The following GUCY1A2 variants were observed in gnomAD, a reference collection of about 807,000 sequenced individuals.
The protein encoded by GUCY1A2 is guanylate cyclase 1 soluble subunit alpha 2, also known as guanylate cyclase soluble subunit alpha-2.
Under a neutral mutation model 63.5 loss-of-function variants are expected in GUCY1A2, and 27 were observed. The ratio of observed to expected loss-of-function variants is 0.43; its 90% CI spans 0.31 to 0.59. The LOEUF (loss-of-function observed/expected upper bound fraction) is 0.59, where lower values mean the gene tolerates loss of function less well. Among genes scored for constraint, GUCY1A2 ranks in the 20% least tolerant of loss-of-function variants. The pLI, the probability that GUCY1A2 is intolerant of heterozygous loss-of-function variation, is 0.11. For missense variants in GUCY1A2, 768 were observed against 913.3 expected (o/e 0.84, Z 2.05); for synonymous variants, 364 against 343.5 (o/e 1.06, Z -0.66).
At chr11:106,938,723 T>C (rs1424627909) in intron 4 of GUCY1A2, among the ~76,000 whole-genome samples, 1 of 152,204 alleles carries the variant, frequency 6.6e-6, no homozygotes, top group Non-Finnish European at 1.5e-5. Context: ...TTTTAAAATA[T>C]TTTACCTGAG....
rs545229388 is a variant in GUCY1A2, at chr11:106,752,566, GTGTTCTCAT to G, written c.1836+23864_1836+23872del. Reference sequence around the variant, plus strand: ...GTGATGTTCCCCTCCCTGTGCCCATGTGTTCTCATTGTTCAACTCCCACTTATGAGTGAG... The same window carrying G: ...GTGATGTTCCCCTCCCTGTGCCCATGTGTTCAACTCCCACTTATGAGTGAG... On this transcript the variant is annotated intron_variant, in intron 6 of 7. Coordinates refer to ENST00000526355, the MANE Select transcript of GUCY1A2 (RefSeq NM_000855.3). Among the ~76,000 whole-genome samples the G allele has an allele frequency of 7.6e-3, 1,159 of 151,980 alleles. 7 individuals carry two copies. The highest frequency in any genetic ancestry group is 0.034 in the Middle Eastern group (10 of 294).
At chr11:106,703,142 C>A (rs764200200) in intron 7 of GUCY1A2, among the ~76,000 whole-genome samples, 1 of 152,154 alleles carries the variant, frequency 6.6e-6, no homozygotes, top group African/African-American at 2.4e-5. Context: ...TGCCCTTGAA[C>A]ATTGGACTCC....
intron 4 of GUCY1A2, among the ~76,000 whole-genome samples, chr11:106,867,850 T>C (rs1859617133): frequency 6.6e-6 from 1 of 152,054 alleles, no homozygotes; most frequent in Non-Finnish European, 1.5e-5. Flanking sequence ...TTAGTGGCCA[T>C]GGCATGGTAG....
chr11:106,987,784 C>T (rs977201367), intron 1 of GUCY1A2, among the ~76,000 whole-genome samples: 5 of 152,054 alleles, frequency 3.3e-5, no homozygotes, highest in African/African-American at 9.7e-5. Flanking sequence ...GAATCTTTAA[C>T]ATCCTCCTTG....
chr11:106,953,250 CA>C (rs1565342104), intron 3 of GUCY1A2, among the ~76,000 whole-genome samples: 1 of 152,164 alleles, frequency 6.6e-6, no homozygotes, highest in East Asian at 1.9e-4. Context: ...TCAATTTTAT[CA>C]AAGGCCTTTT....
At chr11:106,969,539 A>C (rs1861168033) in intron 3 of GUCY1A2, among the ~76,000 whole-genome samples, 1 of 151,976 alleles carries the variant, frequency 6.6e-6, no homozygotes, top group Admixed American at 6.6e-5. Context: ...TGGTATGCTC[A>C]CTTGAGCTAA....
At chr11:107,014,673 G>C (rs1359949233) in intron 1 of GUCY1A2, among the ~76,000 whole-genome samples, 1 of 152,010 alleles carries the variant, frequency 6.6e-6, no homozygotes, top group Non-Finnish European at 1.5e-5. Flanking sequence ...CAAATAACTA[G>C]TTTAATAAAT....
chr11:106,935,357 G>A (rs1860661617), intron 4 of GUCY1A2, among the ~76,000 whole-genome samples: 1 of 152,188 alleles, frequency 6.6e-6, no homozygotes, highest in Non-Finnish European at 1.5e-5. Flanking sequence ...GGTCAAAGAT[G>A]CTAAGAATTT....
At chr11:106,856,414 A>T (rs1202791987) in intron 4 of GUCY1A2, among the ~76,000 whole-genome samples, 1 of 152,164 alleles carries the variant, frequency 6.6e-6, no homozygotes, top group Non-Finnish European at 1.5e-5. Flanking sequence ...CAGAGAATAA[A>T]AAAGATCTGC....
chr11:106,762,547 A>G (rs1457354561), intron 6 of GUCY1A2, among the ~76,000 whole-genome samples: 1 of 152,114 alleles, frequency 6.6e-6, no homozygotes, highest in Admixed American at 6.6e-5. Context: ...AATGAAATAT[A>G]ATAATACTGA....
intron 4 of GUCY1A2, among the ~76,000 whole-genome samples, chr11:106,871,236 A>G (rs1859673317): frequency 6.6e-6 from 1 of 152,188 alleles, no homozygotes; most frequent in Non-Finnish European, 1.5e-5. Context: ...AGAAGAATTA[A>G]GATGAGTATA....
At chr11:106,965,739 T>C (rs1565345864) in intron 3 of GUCY1A2, among the ~76,000 whole-genome samples, 2 of 152,134 alleles carry the variant, frequency 1.3e-5, no homozygotes. Flanking sequence ...CATGGAGGTA[T>C]TCAAAACACA....
At chr11:106,860,105 T>G (rs1476621204) in intron 4 of GUCY1A2, among the ~76,000 whole-genome samples, 2 of 151,884 alleles carry the variant, frequency 1.3e-5, no homozygotes, top group African/African-American at 4.8e-5. Context: ...ACTCAACATA[T>G]TTAAATTTTA....
intron 4 of GUCY1A2, among the ~76,000 whole-genome samples, chr11:106,829,438 G>A (rs558816822): frequency 1.4e-4 from 21 of 152,264 alleles, no homozygotes; most frequent in Middle Eastern, 6.8e-3. Flanking sequence ...GCTGAGTGAC[G>A]ACAGGCTGAT....
At chr11:106,760,108 C>A (rs112689529) in intron 6 of GUCY1A2, among the ~76,000 whole-genome samples, 1 of 152,096 alleles carries the variant, frequency 6.6e-6, no homozygotes, top group African/African-American at 2.4e-5. Context: ...TCAAATAAAA[C>A]GGCCAACACG....
intron 1 of GUCY1A2, among the ~76,000 whole-genome samples, chr11:106,998,171 C>T (rs564509422): frequency 1.3e-5 from 2 of 152,116 alleles, no homozygotes; most frequent in Non-Finnish European, 2.9e-5. Flanking sequence ...AGACCTCCAG[C>T]AAAAGACATC....
chr11:106,887,116 T>C (rs755545711), intron 4 of GUCY1A2, among the ~76,000 whole-genome samples: 1 of 152,082 alleles, frequency 6.6e-6, no homozygotes, highest in Non-Finnish European at 1.5e-5. Flanking sequence ...TGCATCTGCT[T>C]GTTGCCCCTT....
chr11:106,923,036 A>T (rs546108781), intron 4 of GUCY1A2, among the ~76,000 whole-genome samples: 1 of 152,152 alleles, frequency 6.6e-6, no homozygotes, highest in Non-Finnish European at 1.5e-5. Flanking sequence ...AATGACTGAA[A>T]TTGGACTAAT....
intron 4 of GUCY1A2, among the ~76,000 whole-genome samples, chr11:106,867,976 C>A (rs1449180174): frequency 1.3e-5 from 2 of 151,918 alleles, no homozygotes; most frequent in African/African-American, 4.8e-5. Flanking sequence ...TAAATACACA[C>A]CCCAACCCCC....
Sources: gnomAD v4.1 joint callset for allele counts (sites outside exome capture counted in the v4.1 genomes callset) on GRCh38, gnomAD v4.1.1 for gene constraint, MANE v1.5 for transcripts, NCBI Gene and HGNC (gene_info 2026-07-23, HGNC 2026-07-21) for gene names.